KHDRBS2: variants seen among roughly 807,000 people sequenced by gnomAD.
KHDRBS2 encodes the protein KH RNA binding domain containing, signal transduction associated 2, also known as KH domain-containing, RNA-binding, signal transduction-associated protein 2.
A neutral mutation model predicts 44.3 loss-of-function variants in KHDRBS2; 26 were observed. The ratio of observed to expected loss-of-function variants is 0.59; its 90% CI spans 0.43 to 0.81. KHDRBS2 has a LOEUF of 0.81. KHDRBS2 is among the 40% of genes least tolerant of loss of function. The pLI is 0.00. For synonymous variants in KHDRBS2, 194 were observed against 151.1 expected, an observed-to-expected ratio of 1.28 and a Z score of -2.08; for missense variants, 476 against 433.1, an observed-to-expected ratio of 1.10 and a Z score of -0.88.
chr6:61,643,089 T>C, the KHDRBS2 span, among the ~76,000 whole-genome samples: 1 of 152,280 alleles, frequency 6.6e-6, no homozygotes, highest in African/African-American at 2.4e-5. Context: ...TATTCTGATA[T>C]GTATGTTCTG....
At chr6:61,881,667 C>G (rs969725241) in intron 6 of KHDRBS2, among the ~76,000 whole-genome samples, 1 of 151,978 alleles carries the variant, frequency 6.6e-6, no homozygotes, top group African/African-American at 2.4e-5. Context: ...ATAAGGAATC[C>G]TCCTAATCTC....
chr6:61,993,674 T>TATATATATATA (rs58974944), intron 3 of KHDRBS2, among the ~76,000 whole-genome samples: 58 of 84,278 alleles, frequency 6.9e-4, no homozygotes, highest in Non-Finnish European at 1.0e-3. Context: ...TATATATATA[T>TATATATATATA]TTTTTTTTTT....
the KHDRBS2 span, among the ~76,000 whole-genome samples, chr6:61,658,068 C>A: frequency 0.59 from 89,626 of 151,640 alleles, 26,693 homozygotes; most frequent in African/African-American, 0.61. Flanking sequence ...ATAGGCTAGT[C>A]CACTATGCTA....
chr6:61,576,690 A>G, the KHDRBS2 span, among the ~76,000 whole-genome samples: 1 of 152,168 alleles, frequency 6.6e-6, no homozygotes, highest in African/African-American at 2.4e-5. Context: ...AACTGTACAT[A>G]AACTATATGC....
intron 3 of KHDRBS2, among the ~76,000 whole-genome samples, chr6:62,020,518 A>G (rs1170309777): frequency 6.6e-6 from 1 of 151,990 alleles, no homozygotes; most frequent in Admixed American, 6.6e-5. Flanking sequence ...TGTCTACATG[A>G]TCTATAATTT....
the KHDRBS2 span, among the ~76,000 whole-genome samples, chr6:61,670,895 T>A: frequency 6.6e-6 from 1 of 151,648 alleles, no homozygotes; most frequent in Non-Finnish European, 1.5e-5. Flanking sequence ...ATTAACTCAA[T>A]AAACATTTCT....
intron 4 of KHDRBS2, among the ~76,000 whole-genome samples, chr6:61,926,153 G>T (rs1808933625): frequency 6.6e-6 from 1 of 152,318 alleles, no homozygotes; most frequent in South Asian, 2.1e-4. Flanking sequence ...TAGAGAAAAC[G>T]TAGGTAGAAT....
intron 2 of KHDRBS2, among the ~76,000 whole-genome samples, chr6:62,070,049 T>G (rs1279425677): frequency 6.6e-6 from 1 of 151,696 alleles, no homozygotes; most frequent in Non-Finnish European, 1.5e-5. Context: ...ACACTTTTTC[T>G]CCGTCTATTA....
chr6:62,255,124 A>T (rs528831164), intron 1 of KHDRBS2, among the ~76,000 whole-genome samples: 4 of 152,148 alleles, frequency 2.6e-5, no homozygotes, highest in South Asian at 2.1e-4. Context: ...AAAAATAAAC[A>T]GGCAGCTTTC....
chr6:62,052,016 A>C (rs1389690057), intron 2 of KHDRBS2, among the ~76,000 whole-genome samples: 1 of 151,894 alleles, frequency 6.6e-6, no homozygotes, highest in South Asian at 2.1e-4. Context: ...AGAAAAGGGT[A>C]TTTTTTGTAG....
chr6:61,995,280 T>C (rs559203070), intron 3 of KHDRBS2, among the ~76,000 whole-genome samples: 1 of 152,298 alleles, frequency 6.6e-6, no homozygotes, highest in South Asian at 2.1e-4. Flanking sequence ...AATTGTCAAG[T>C]GATAAAATTG....
At chr6:62,024,550 A>T (rs1388442434) in intron 3 of KHDRBS2, among the ~76,000 whole-genome samples, 6 of 151,618 alleles carry the variant, frequency 4.0e-5, no homozygotes, top group Non-Finnish European at 7.4e-5. Flanking sequence ...ATTTGAAAGC[A>T]AAATATTGTG....
At chr6:62,105,444 A>T (rs1210101972) in intron 2 of KHDRBS2, among the ~76,000 whole-genome samples, 1 of 152,140 alleles carries the variant, frequency 6.6e-6, no homozygotes, top group Non-Finnish European at 1.5e-5. Flanking sequence ...GATTATTGCC[A>T]CAATTTCAGA....
chr6:61,726,405 A>C lies in KHDRBS2; in HGVS notation c.893+6277T>G, dbSNP rs145821921. Reference sequence around the variant, plus strand: ...TCTCACCACTCTTATTCAACTTAGTACTGGAAGTTCTGGCCAGGGCAATCA... The same window carrying C: ...TCTCACCACTCTTATTCAACTTAGTCCTGGAAGTTCTGGCCAGGGCAATCA... On this transcript the variant is annotated intron_variant, in intron 7 of 8. Transcript: ENST00000281156. Among the ~76,000 whole-genome samples, 343 of 152,244 alleles carry C rather than the reference A, an allele frequency of 2.3e-3. 2 individuals carry two copies. Among genetic ancestry groups the C allele is most frequent in the African/African-American group, 8.0e-3 (334 of 41,550 alleles).
intron 3 of KHDRBS2, among the ~76,000 whole-genome samples, chr6:62,045,200 C>T (rs1237006957): frequency 6.6e-6 from 1 of 151,972 alleles, no homozygotes; most frequent in African/African-American, 2.4e-5. Context: ...TTGCGAATTA[C>T]TTTCCAGGAG....
intron 6 of KHDRBS2, among the ~76,000 whole-genome samples, chr6:61,808,364 T>G (rs1787517182): frequency 6.6e-6 from 1 of 152,096 alleles, no homozygotes; most frequent in Admixed American, 6.6e-5. Context: ...AAAGAAAACA[T>G]AAAACTTATA....
At chr6:61,895,442 T>A (rs1802772748) in intron 5 of KHDRBS2, among the ~76,000 whole-genome samples, 1 of 152,240 alleles carries the variant, frequency 6.6e-6, no homozygotes, top group African/African-American at 2.4e-5. Context: ...CACTGATTTA[T>A]CATCATGCCT....
At chr6:62,278,832 C>T (rs1435397933) in intron 1 of KHDRBS2, among the ~76,000 whole-genome samples, 1 of 151,946 alleles carries the variant, frequency 6.6e-6, no homozygotes, top group Non-Finnish European at 1.5e-5. Flanking sequence ...TGGTGGCTCA[C>T]GTCTGTAATC....
At chr6:61,988,902 A>T (rs1239867360) in intron 3 of KHDRBS2, among the ~76,000 whole-genome samples, 8 of 152,224 alleles carry the variant, frequency 5.3e-5, no homozygotes, top group Admixed American at 5.2e-4. Flanking sequence ...ATTTGAACAC[A>T]TGCCATTTAA....
Sources: gnomAD v4.1 joint callset for allele counts (sites outside exome capture counted in the v4.1 genomes callset) on GRCh38, gnomAD v4.1.1 for gene constraint, MANE v1.5 for transcripts, NCBI Gene and HGNC (gene_info 2026-07-23, HGNC 2026-07-21) for gene names.